IRAK3: variants seen among roughly 807,000 people sequenced by gnomAD.
The protein encoded by IRAK3 is interleukin-1 receptor-associated kinase 3.
Under a neutral mutation model 56.6 loss-of-function variants are expected in IRAK3, and 57 were observed. The ratio of observed to expected loss-of-function variants is 1.01; its 90% CI spans 0.81 to 1.26. The LOEUF (loss-of-function observed/expected upper bound fraction) is 1.26, where lower values mean the gene tolerates loss of function less well. Among genes scored for constraint, IRAK3 ranks in the 50% most tolerant of loss-of-function variants. The probability of loss-of-function intolerance (pLI) is 0.00; values close to 1 mark genes in which losing one functional copy is unlikely to be tolerated. For missense variants in IRAK3, 703 were observed against 719.0 expected (o/e 0.98, Z 0.25); for synonymous variants, 258 against 255.7 (o/e 1.01, Z -0.09).
intron 6 of IRAK3, 143 bp downstream of exon 6, chr12:66,217,378 G>A: frequency 1.3e-6 from 1 of 758,980 alleles, no homozygotes; most frequent in Non-Finnish European, 2.4e-6. Context: ...TTTGATATCT[G>A]CTTTAGTATA....
At chr12:66,237,552 G>A (rs970514697) in intron 8 of IRAK3, among the ~76,000 whole-genome samples, 1 of 152,170 alleles carries the variant, frequency 6.6e-6, no homozygotes, top group African/African-American at 2.4e-5. Context: ...AATCAAAAGA[G>A]CACCAAACAG....
At chr12:66,212,110 CAAA>C (rs11405352) in intron 5 of IRAK3, among the ~76,000 whole-genome samples, 1 of 136,668 alleles carries the variant, frequency 7.3e-6, no homozygotes. Flanking sequence ...GACACCACCT[CAAA>C]AAAAAAAAAA....
At chr12:66,193,323 T>G (rs1435308015) in intron 1 of IRAK3, among the ~76,000 whole-genome samples, 1 of 152,132 alleles carries the variant, frequency 6.6e-6, no homozygotes, top group Non-Finnish European at 1.5e-5. Flanking sequence ...TAGATGTATT[T>G]TTTTAAGAAC....
intron 8 of IRAK3, among the ~76,000 whole-genome samples, chr12:66,231,037 A>C (rs1259263803): frequency 1.3e-5 from 2 of 152,172 alleles, no homozygotes; most frequent in Admixed American, 6.5e-5. Context: ...ACACATCTTC[A>C]GTGGTAATTC....
intron 6 of IRAK3, among the ~76,000 whole-genome samples, chr12:66,225,448 C>G (rs974453166): frequency 1.3e-5 from 2 of 151,862 alleles, no homozygotes; most frequent in African/African-American, 2.4e-5. Flanking sequence ...GAATCCCCCT[C>G]CCCCGCCACG....
intron 2 of IRAK3, among the ~76,000 whole-genome samples, chr12:66,204,201 G>A (rs1287274794): frequency 6.6e-6 from 1 of 152,026 alleles, no homozygotes; most frequent in East Asian, 1.9e-4. Context: ...TCAGCTCTCT[G>A]TCAAAAACTC....
intron 5 of IRAK3, 77 bp from the exon 6 acceptor site, chr12:66,217,094 A>T: frequency 1.0e-6 from 1 of 994,380 alleles, no homozygotes; most frequent in Non-Finnish European, 1.6e-6. Context: ...TAATTTAGGG[A>T]GACTATAGAC....
intron 11 of IRAK3, among the ~76,000 whole-genome samples, chr12:66,246,101 G>A (rs996798170): frequency 1.3e-4 from 20 of 152,174 alleles, no homozygotes; most frequent in African/African-American, 4.3e-4. Flanking sequence ...CCAGGTTGCC[G>A]TGGAGCATGA....
intron 8 of IRAK3, among the ~76,000 whole-genome samples, chr12:66,242,981 A>T (rs1023112927): frequency 6.6e-6 from 1 of 151,962 alleles, no homozygotes; most frequent in African/African-American, 2.4e-5. Flanking sequence ...CAGGAGACTC[A>T]CTTGAACCCG....
chr12:66,212,397 G>A (rs978470495), intron 5 of IRAK3, among the ~76,000 whole-genome samples: 1 of 152,182 alleles, frequency 6.6e-6, no homozygotes, highest in African/African-American at 2.4e-5. Context: ...AGCAAAAAGG[G>A]AATTCCAGGA....
At chr12:66,244,128 A>G (rs535872999) in intron 8 of IRAK3, among the ~76,000 whole-genome samples, 1 of 152,346 alleles carries the variant, frequency 6.6e-6, no homozygotes, top group African/African-American at 2.4e-5. Context: ...AGCTGATTAA[A>G]ACTCAGTTCA....
At chr12:66,209,564 A>G (rs1019460487) in intron 3 of IRAK3, 44 bp downstream of exon 3, 2 of 1,174,388 alleles carry the variant, frequency 1.7e-6, no homozygotes, top group Non-Finnish European at 2.6e-6. Context: ...ACTTTGTTGC[A>G]TGTATAATTG....
intron 8 of IRAK3, among the ~76,000 whole-genome samples, chr12:66,233,877 T>A (rs1191254045): frequency 6.6e-6 from 1 of 151,852 alleles, no homozygotes; most frequent in African/African-American, 2.4e-5. Context: ...AGCTACTAGA[T>A]GAATTTAAGG....
At chr12:66,229,547 T>C (rs748688407) in intron 8 of IRAK3, among the ~76,000 whole-genome samples, 8 of 152,208 alleles carry the variant, frequency 5.3e-5, no homozygotes, top group Non-Finnish European at 1.0e-4. Context: ...GAAAAGACTC[T>C]AGGTTTTACT....
intron 8 of IRAK3, among the ~76,000 whole-genome samples, chr12:66,237,859 AC>A (rs2052924268): frequency 6.6e-6 from 1 of 152,248 alleles, no homozygotes; most frequent in African/African-American, 2.4e-5. Flanking sequence ...CCACATATTC[AC>A]CATTCCTATA....
intron 5 of IRAK3, among the ~76,000 whole-genome samples, chr12:66,214,266 G>T (rs931055937): frequency 1.3e-5 from 2 of 152,010 alleles, no homozygotes; most frequent in Non-Finnish European, 2.9e-5. Context: ...GCTCATGCCT[G>T]TAATCCCAGC....
chr12:66,210,165 G>A lies in IRAK3; in HGVS notation c.400G>A (p.Val134Met), dbSNP rs138559915. ...ILFKETANVT[V>M]DNVLIPEHNE... ...CTCTTAGGAAACAGCCAATGTCACC[G>A]TGGATAATGTTCTTATTCCTGAACA... Residue 134 changes from valine to methionine, a missense_variant, in exon 4 of 12, where the codon GTG (valine) becomes ATG (methionine). Physicochemically the swap from Val to Met is conservative, Grantham distance 21 (BLOSUM62 1). Transcript: ENST00000261233. 1.1e-3 allele frequency: 1,791 copies of A among 1,600,036 alleles called. 2 individuals are homozygous for A. Among genetic ancestry groups the A allele is most frequent in the Non-Finnish European group, 1.4e-3 (1,642 of 1,167,472 alleles).
intron 8 of IRAK3, among the ~76,000 whole-genome samples, chr12:66,232,177 G>C (rs1010331528): frequency 3.9e-5 from 6 of 152,180 alleles, no homozygotes; most frequent in Non-Finnish European, 8.8e-5. Flanking sequence ...CTTGGTGGTG[G>C]GGCTGCTGAC....
rs143292642 is a variant in IRAK3 at position 66,207,073 on chromosome 12, A to G, written c.317-2383A>G. Among the ~76,000 whole-genome samples, 358 of 152,204 alleles carry G rather than the reference A, an allele frequency of 2.4e-3. 2 individuals are homozygous for G. The highest frequency in any genetic ancestry group is 8.2e-3 in the African/African-American group (342 of 41,508). ...TGTCCCCCCTTTTATTCTTGATTTTAGTAATTTGAATCTCTTTCTTGGTCA... is the reference window on the plus strand; with the variant it reads ...TGTCCCCCCTTTTATTCTTGATTTTGGTAATTTGAATCTCTTTCTTGGTCA... On this transcript the variant is annotated intron_variant, in intron 2 of 11. Coordinates refer to ENST00000261233, the MANE Select transcript of IRAK3 (RefSeq NM_007199.3).
Sources: gnomAD v4.1 joint callset for allele counts (sites outside exome capture counted in the v4.1 genomes callset) on GRCh38, gnomAD v4.1.1 for gene constraint, MANE v1.5 for transcripts, NCBI Gene and HGNC (gene_info 2026-07-23, HGNC 2026-07-21) for gene names.